Variants in LRCH1 observed in about 807,000 individuals in gnomAD.
LRCH1 encodes leucine rich repeats and calponin homology domain containing 1.
Under a neutral mutation model 94.9 loss-of-function variants are expected in LRCH1, and 23 were observed. The observed-to-expected ratio is 0.24, with a 90% CI of 0.17 to 0.34. The LOEUF is 0.34. Ranked by LOEUF, LRCH1 falls within the 10% of genes least tolerant of loss-of-function variation. The probability of loss-of-function intolerance (pLI) is 1.00; values close to 1 mark genes in which losing one functional copy is unlikely to be tolerated. For missense variants in LRCH1, 790 were observed against 945.9 expected, an observed-to-expected ratio of 0.84 and a Z score of 2.16; for synonymous variants, 364 against 354.9, an observed-to-expected ratio of 1.03 and a Z score of -0.29.
chr13:46,586,557 T>C (rs1433150060), intron 1 of LRCH1, among the ~76,000 whole-genome samples: 1 of 152,044 alleles, frequency 6.6e-6, no homozygotes, highest in Non-Finnish European at 1.5e-5. Flanking sequence ...GCTGGGACTA[T>C]AGGCACACGC....
chr13:46,731,711 G>C (rs894628308), intron 18 of LRCH1, among the ~76,000 whole-genome samples: 5 of 152,286 alleles, frequency 3.3e-5, no homozygotes, highest in Admixed American at 3.3e-4. Context: ...CAGCCACGCT[G>C]TAGCCGTAGA....
intron 1 of LRCH1, among the ~76,000 whole-genome samples, chr13:46,554,602 G>A (rs1301954499): frequency 6.6e-6 from 1 of 152,224 alleles, no homozygotes; most frequent in African/African-American, 2.4e-5. Flanking sequence ...TTCAAGTTAC[G>A]TCATGTGTTA....
chr13:46,727,206 A>G (rs1178100536), intron 17 of LRCH1, among the ~76,000 whole-genome samples: 1 of 152,232 alleles, frequency 6.6e-6, no homozygotes, highest in African/African-American at 2.4e-5. Context: ...CCAAATGGAA[A>G]TTGGGAGCTG....
At chr13:46,609,185 C>T (rs1475911421) in intron 1 of LRCH1, among the ~76,000 whole-genome samples, 2 of 152,190 alleles carry the variant, frequency 1.3e-5, no homozygotes, top group African/African-American at 4.8e-5. Context: ...TTCTGCTGTG[C>T]TCGGCCTCTT....
At chr13:46,717,174 G>C (rs1872364680) in intron 16 of LRCH1, among the ~76,000 whole-genome samples, 1 of 152,092 alleles carries the variant, frequency 6.6e-6, no homozygotes, top group South Asian at 2.1e-4. Flanking sequence ...TCACACTGTG[G>C]GGTTGAGGTG....
rs754902554 is a variant in LRCH1 at position 46,650,262 on chromosome 13, A to G, written c.369A>G (p.Glu123=). ...PMELCHFVSL[E]ILNLYHNCIR... ...AATTGTGCCATTTTGTATCACTGGA[A>G]ATTCTTAATCTGTATCACAACTGTA... The change falls in exon 2 of 20, where the codon GAA becomes GAG. Residue 123 remains glutamate, a synonymous_variant. Coordinates refer to ENST00000389797, the MANE Select transcript of LRCH1 (RefSeq NM_001164211.2). 2 of 1,612,936 alleles carry G rather than the reference A, an allele frequency of 1.2e-6. No homozygotes were observed. Among genetic ancestry groups the G allele is most frequent in the South Asian group, 1.1e-5 (1 of 90,990 alleles).
intron 17 of LRCH1, among the ~76,000 whole-genome samples, chr13:46,723,793 C>T: frequency 6.6e-6 from 1 of 150,914 alleles, no homozygotes. Context: ...ACAGTGAGAA[C>T]TTGTCTCTTT....
chr13:46,673,996 G>A (rs2051638311), intron 3 of LRCH1, among the ~76,000 whole-genome samples: 1 of 152,142 alleles, frequency 6.6e-6, no homozygotes, highest in Non-Finnish European at 1.5e-5. Context: ...TGGCCAGGCT[G>A]CTGTCGAACT....
intron 1 of LRCH1, among the ~76,000 whole-genome samples, chr13:46,620,376 AG>A (rs1316713313): frequency 6.6e-6 from 1 of 152,018 alleles, no homozygotes; most frequent in African/African-American, 2.4e-5. Context: ...AAAAAAAAAA[AG>A]CATATAATTT....
intron 9 of LRCH1, 118 bp from the exon 10 acceptor site, chr13:46,699,218 T>C: frequency 1.3e-6 from 1 of 753,698 alleles, no homozygotes; most frequent in South Asian, 1.6e-5. Context: ...CTGTTTGGCT[T>C]GTTTCCAGCT....
At chr13:46,659,643 T>C (rs2051419971) in intron 2 of LRCH1, among the ~76,000 whole-genome samples, 1 of 152,170 alleles carries the variant, frequency 6.6e-6, no homozygotes, top group Non-Finnish European at 1.5e-5. Flanking sequence ...CCTTTCAGAT[T>C]GTGTGTCCTA....
intron 1 of LRCH1, 71 bp downstream of exon 1, chr13:46,553,774 G>A (rs2050030594): frequency 1.3e-6 from 2 of 1,571,752 alleles, no homozygotes; most frequent in Non-Finnish European, 1.7e-6. Flanking sequence ...TCCCTAACGC[G>A]GTGGACAGTC....
At position 46,734,440 on chromosome 13, in the gene LRCH1, A is replaced by T. The variant is rs537022836; in HGVS notation, c.2085+442A>T. On this transcript the variant is annotated intron_variant, in intron 19 of 19. Transcript: ENST00000389797. ...GTAGCTGTATTTTCCATATGTGGAT[A>T]AAAAAATCAACATTGGAAATACTAT... Among the ~76,000 whole-genome samples, 37 of 152,342 alleles carry T rather than the reference A, an allele frequency of 2.4e-4. No individual in the cohort carries two copies. The East Asian group carries it at 6.9e-3, about 29-fold the overall frequency.
chr13:46,651,122 A>G (rs551046499), intron 2 of LRCH1, among the ~76,000 whole-genome samples: 1 of 152,340 alleles, frequency 6.6e-6, no homozygotes, highest in African/African-American at 2.4e-5. Context: ...GTTTCATCAA[A>G]TATATCTTTA....
chr13:46,564,811 G>A (rs1430830214), intron 1 of LRCH1, among the ~76,000 whole-genome samples: 1 of 152,232 alleles, frequency 6.6e-6, no homozygotes, highest in Non-Finnish European at 1.5e-5. Flanking sequence ...TCCCTTGGGT[G>A]GTTGTATAGA....
intron 3 of LRCH1, among the ~76,000 whole-genome samples, chr13:46,681,152 G>C (rs1593348229): frequency 6.6e-6 from 1 of 152,210 alleles, no homozygotes; most frequent in Non-Finnish European, 1.5e-5. Flanking sequence ...TGGCAAGGTG[G>C]TCAGCTGTAA....
At chr13:46,594,217 G>A (rs2050533118) in intron 1 of LRCH1, among the ~76,000 whole-genome samples, 1 of 150,336 alleles carries the variant, frequency 6.7e-6, no homozygotes, top group South Asian at 2.1e-4. Context: ...TTACTGTTTT[G>A]CCTGGACTCC....
intron 2 of LRCH1, among the ~76,000 whole-genome samples, chr13:46,661,469 A>G (rs1465069531): frequency 2.0e-5 from 3 of 152,214 alleles, no homozygotes; most frequent in Non-Finnish European, 2.9e-5. Flanking sequence ...AAATTGAAAT[A>G]TGGGTTAAGA....
At chr13:46,688,487 A>C (rs983286532) in intron 6 of LRCH1, among the ~76,000 whole-genome samples, 1 of 152,220 alleles carries the variant, frequency 6.6e-6, no homozygotes, top group South Asian at 2.1e-4. Flanking sequence ...GAACCCTTTC[A>C]CACATCCTAG....
Sources: gnomAD v4.1 joint callset for allele counts (sites outside exome capture counted in the v4.1 genomes callset) on GRCh38, gnomAD v4.1.1 for gene constraint, MANE v1.5 for transcripts, NCBI Gene and HGNC (gene_info 2026-07-23, HGNC 2026-07-21) for gene names.